The following ST18 variants were observed in gnomAD, a reference collection of about 807,000 sequenced individuals.
The protein encoded by ST18 is ST18 C2H2C-type zinc finger transcription factor.
A neutral mutation model predicts 110.0 loss-of-function variants in ST18; 50 were observed. The observed-to-expected ratio is 0.45, with a 90% confidence interval of 0.36 to 0.58. ST18 has a LOEUF of 0.58. ST18 is among the 20% of genes least tolerant of loss of function. The pLI is 0.00. For missense variants in ST18, 1,306 were observed against 1,280.1 expected (o/e 1.02, Z -0.31); for synonymous variants, 461 against 452.4 (o/e 1.02, Z -0.24).
At chr8:52,238,916 A>G (rs1351611230) in intron 2 of ST18, among the ~76,000 whole-genome samples, 3 of 151,874 alleles carry the variant, frequency 2.0e-5, no homozygotes, top group Non-Finnish European at 2.9e-5. Flanking sequence ...AAGATACCCT[A>G]TTTGGATGAT....
chr8:52,380,685 G>T (rs1834188978), intron 2 of ST18, among the ~76,000 whole-genome samples: 1 of 151,938 alleles, frequency 6.6e-6, no homozygotes, highest in Non-Finnish European at 1.5e-5. Flanking sequence ...AAAAATTATG[G>T]AAATGCCGAT....
At position 52,246,115 on chromosome 8, in the gene ST18, A is replaced by C. The variant is rs535204786; in HGVS notation, c.-464-16038T>G. Among the ~76,000 whole-genome samples, 16 of 152,280 alleles carry C rather than the reference A, an allele frequency of 1.1e-4. No individual in the cohort carries two copies. The East Asian group carries it at 2.9e-3, about 27-fold the overall frequency. ...CAAATACTCGTAAAGAAATTCAGAT[A>C]TCTCTTGAGTTCACTGGAATGGAAT... On this transcript the variant is annotated intron_variant, in intron 2 of 25. Transcript: ENST00000689386.
intron 19 of ST18, among the ~76,000 whole-genome samples, chr8:52,133,573 AGTT>A (rs2050667979): frequency 6.6e-6 from 1 of 151,956 alleles, no homozygotes; most frequent in African/African-American, 2.4e-5. Flanking sequence ...ACAATGGATT[AGTT>A]GTTGTTTATT....
intron 9 of ST18, among the ~76,000 whole-genome samples, chr8:52,178,648 C>CAAAAAAAAAAAAAAAAA (rs2068035729): frequency 2.7e-5 from 1 of 37,416 alleles, no homozygotes; most frequent in East Asian, 7.5e-4. Context: ...AAAAAACCAC[C>CAAAAAAAAAAAAAAAAA]AAAAACCAAA....
In ST18 at chr8:52,122,712, C is replaced by T. The variant is rs543339207; in HGVS notation, c.2755+3340G>A. On this transcript the variant is annotated intron_variant, in intron 23 of 25. Transcript: ENST00000689386. Reference sequence around the variant, plus strand: ...ACATGTTGGCCAGGCTAGTCTTGAACTCCTGACCTCGTGATCCACCCTTCT... The same window carrying T: ...ACATGTTGGCCAGGCTAGTCTTGAATTCCTGACCTCGTGATCCACCCTTCT... Among the ~76,000 whole-genome samples the T allele has an allele frequency of 2.6e-5, 4 of 152,116 alleles. No individual in the cohort carries two copies. In the East Asian group the frequency reaches 5.8e-4, roughly 22 times the overall value.
chr8:52,154,033 A>G (rs993330275), intron 15 of ST18, among the ~76,000 whole-genome samples: 9 of 152,234 alleles, frequency 5.9e-5, no homozygotes, highest in African/African-American at 2.2e-4. Flanking sequence ...AGGTTTTTGA[A>G]TACGAAAAGA....
chr8:52,295,866 C>T (rs1487103431), intron 2 of ST18, among the ~76,000 whole-genome samples: 1 of 152,046 alleles, frequency 6.6e-6, no homozygotes, highest in Non-Finnish European at 1.5e-5. Context: ...GTTAAGCCAG[C>T]CTGCCTCCCA....
intron 8 of ST18, among the ~76,000 whole-genome samples, chr8:52,197,923 C>T (rs1283454329): frequency 6.9e-6 from 1 of 144,308 alleles, no homozygotes; most frequent in Non-Finnish European, 1.5e-5. Flanking sequence ...AAATACAGAA[C>T]TTCTTCAGTA....
chr8:52,149,627 G>A, intron 16 of ST18, 105 bp downstream of exon 16: 1 of 1,419,946 alleles, frequency 7.0e-7, no homozygotes, highest in Non-Finnish European at 9.4e-7. Flanking sequence ...ACAGAATTAT[G>A]TATTATCTAA....
chr8:52,347,261 C>T (rs1265411676), intron 2 of ST18, among the ~76,000 whole-genome samples: 1 of 152,102 alleles, frequency 6.6e-6, no homozygotes, highest in Non-Finnish European at 1.5e-5. Flanking sequence ...AATAGCTTTA[C>T]TGTAAAAGCA....
intron 2 of ST18, among the ~76,000 whole-genome samples, chr8:52,247,040 C>T (rs900699193): frequency 6.6e-6 from 1 of 152,046 alleles, no homozygotes; most frequent in African/African-American, 2.4e-5. Context: ...AGGATGACTG[C>T]CTTATTCTCT....
intron 23 of ST18, among the ~76,000 whole-genome samples, chr8:52,125,203 A>G (rs1013030258): frequency 6.6e-6 from 1 of 152,146 alleles, no homozygotes; most frequent in African/African-American, 2.4e-5. Flanking sequence ...GGGGATTGAC[A>G]CTAAGGAAAT....
chr8:52,172,650 G>T, intron 9 of ST18, 67 bp from the exon 10 acceptor site: 2 of 1,294,016 alleles, frequency 1.5e-6, no homozygotes, highest in African/African-American at 1.5e-5. Flanking sequence ...ATTGCAACAA[G>T]TTATATGTAT....
intron 8 of ST18, among the ~76,000 whole-genome samples, chr8:52,211,650 G>T (rs562797467): frequency 3.9e-5 from 6 of 152,056 alleles, no homozygotes; most frequent in African/African-American, 1.4e-4. Flanking sequence ...CAGAAAATCT[G>T]CTCACCTCAG....
intron 2 of ST18, among the ~76,000 whole-genome samples, chr8:52,272,625 A>G (rs1023994606): frequency 6.6e-6 from 1 of 152,204 alleles, no homozygotes; most frequent in Admixed American, 6.5e-5. Flanking sequence ...AGGAATGGAA[A>G]TTAGTATAGG....
intron 2 of ST18, among the ~76,000 whole-genome samples, chr8:52,265,895 C>T (rs1036241392): frequency 2.0e-5 from 3 of 152,042 alleles, no homozygotes; most frequent in Non-Finnish European, 2.9e-5. Context: ...GAGGAAAGAA[C>T]AGAAATCTAA....
chr8:52,296,777 C>T (rs75259334), intron 2 of ST18, among the ~76,000 whole-genome samples: 12,106 of 151,960 alleles, frequency 0.08, 564 homozygotes, highest in East Asian at 0.13. Flanking sequence ...ATTAAATAAC[C>T]ATGAGAAATC....
At chr8:52,374,360 G>A (rs990879800) in intron 2 of ST18, among the ~76,000 whole-genome samples, 1 of 152,062 alleles carries the variant, frequency 6.6e-6, no homozygotes, top group African/African-American at 2.4e-5. Context: ...GGAACACAGA[G>A]GAGCACTGGC....
intron 2 of ST18, among the ~76,000 whole-genome samples, chr8:52,270,595 A>G (rs990437137): frequency 6.6e-6 from 1 of 152,244 alleles, no homozygotes; most frequent in Non-Finnish European, 1.5e-5. Flanking sequence ...ATATGAAATT[A>G]GTCTGATTGT....
Sources: allele counts gnomAD v4.1 joint callset (sites outside exome capture counted in the v4.1 genomes callset), GRCh38; gene constraint gnomAD v4.1.1; transcripts MANE v1.5; gene names NCBI Gene and HGNC (gene_info 2026-07-23, HGNC 2026-07-21).